ZCWPW1: variants seen among roughly 807,000 people sequenced by gnomAD.
ZCWPW1 encodes the protein zinc finger CW-type PWWP domain protein 1.
In ZCWPW1, 56 loss-of-function variants were observed where a neutral mutation model predicts 81.3. That is an observed-to-expected ratio of 0.69 (90% confidence interval 0.56 to 0.86). The LOEUF (loss-of-function observed/expected upper bound fraction) is 0.86, where lower values mean the gene tolerates loss of function less well. ZCWPW1 is among the 40% of genes least tolerant of loss of function. The pLI is 0.00. For missense variants in ZCWPW1, 650 were observed against 769.8 expected, an observed-to-expected ratio of 0.84 and a Z score of 1.84; for synonymous variants, 250 against 273.7, an observed-to-expected ratio of 0.91 and a Z score of 0.86.
At position 100,425,089 on chromosome 7, in the gene ZCWPW1, CTCT is replaced by C. The variant is rs1554467147; in HGVS notation, c.-92_-90del. The C allele has an allele frequency of 2.0e-5, 3 of 152,172 alleles. No homozygotes were observed. The highest frequency in any genetic ancestry group is 2.9e-5 in the Non-Finnish European group (2 of 68,042). The allele number at this position is 152,172 out of a possible 1,614,324, so 9.4% of individuals were successfully genotyped here. A position where few individuals can be genotyped will look rare whatever the true frequency, so the allele number is the denominator to read the frequency against. ...TTTCTGATAACTCAGGTTGCCCCTC[CTCT>C]GTTTCAGGTGAATTAACTTCTTTCA... is the stretch of plus-strand genomic sequence containing the variant. On this transcript the variant is annotated 5_prime_UTR_variant, in exon 2 of 18. Coordinates refer to ENST00000684423, the MANE Select transcript of ZCWPW1 (RefSeq NM_001386010.1).
intron 2 of ZCWPW1, among the ~76,000 whole-genome samples, chr7:100,424,608 C>T (rs1007686494): frequency 2.0e-5 from 3 of 151,732 alleles, no homozygotes; most frequent in African/African-American, 4.8e-5. Context: ...ATTACAGGAG[C>T]GCACCACCAC....
At chr7:100,401,418 A>C in intron 17 of ZCWPW1, 82 bp from the exon 18 acceptor site, 1 of 1,223,458 alleles carries the variant, frequency 8.2e-7, no homozygotes, top group African/African-American at 1.5e-5. Context: ...CTAAATCTCT[A>C]TTTCCAAGAA....
chr7:100,421,839 T>C (rs1796412265), intron 2 of ZCWPW1, among the ~76,000 whole-genome samples: 1 of 152,136 alleles, frequency 6.6e-6, no homozygotes, highest in South Asian at 2.1e-4. Context: ...ATTACAGGCA[T>C]GCGCCACCAC....
rs534149028 is a variant in ZCWPW1 at position 100,419,884 on chromosome 7, C to A, written c.29-1G>T. On this transcript the variant is annotated splice_acceptor_variant, in intron 3 of 17. Transcript: ENST00000684423. LOFTEE classifies it high-confidence loss of function. ...ATTCTCTTTGGTCCCTTTCCACATT[C>A]TGAAAGAAATGTGATCAAGTGGAAT... 6.4e-7 allele frequency: 1 copy of A among 1,563,586 alleles called. No individual in the cohort carries two copies. Among genetic ancestry groups the A allele is most frequent in the African/African-American group, 1.4e-5 (1 of 72,360 alleles).
intron 11 of ZCWPW1, among the ~76,000 whole-genome samples, 170 bp from the exon 12 acceptor site, chr7:100,406,968 A>AT (rs1304072212): frequency 6.6e-6 from 1 of 152,202 alleles, no homozygotes; most frequent in Admixed American, 6.5e-5. Flanking sequence ...TTGTTCTTCC[A>AT]TTCTAACCTC....
chr7:100,419,470 G>T (rs1271518800), intron 4 of ZCWPW1, among the ~76,000 whole-genome samples, 160 bp downstream of exon 4: 6 of 151,344 alleles, frequency 4.0e-5, no homozygotes, highest in Non-Finnish European at 8.8e-5. Context: ...AAACATTTTT[G>T]ACCTCTTTGA....
chr7:100,423,266 T>C (rs897800251), intron 2 of ZCWPW1, among the ~76,000 whole-genome samples: 1 of 152,236 alleles, frequency 6.6e-6, no homozygotes, highest in Admixed American at 6.5e-5. Context: ...ATCTTGTTTC[T>C]GGCTGTTGGC....
chr7:100,428,123 A>C (rs1406311483), intron 1 of ZCWPW1, among the ~76,000 whole-genome samples: 1 of 151,964 alleles, frequency 6.6e-6, no homozygotes, highest in African/African-American at 2.4e-5. Flanking sequence ...AGCGCCTAGC[A>C]CCTTCACCTA....
Position 100,401,099 on chromosome 7 carries a change from A to G in ZCWPW1, c.1865T>C (p.Val622Ala). The change falls in exon 18 of 18, where the codon GTT (valine) becomes GCT (alanine). Residue 622 changes from valine (V) to alanine (A), a missense_variant. Physicochemically the swap from Val to Ala is moderately conservative, Grantham distance 64. Coordinates refer to ENST00000684423, the MANE Select transcript of ZCWPW1 (RefSeq NM_001386010.1). ...DLDLEQLMED[V>A]GRELGQSGEL... is the part of the protein sequence containing the mutation. Reference sequence around the variant, plus strand: ...CCCGCTCTGCCCCAGCTCTCTCCCAACATCTTCCATGAGTTGCTCCAGGTC... The same window carrying G: ...CCCGCTCTGCCCCAGCTCTCTCCCAGCATCTTCCATGAGTTGCTCCAGGTC... The G allele has an allele frequency of 6.2e-7, 1 of 1,614,102 alleles. No individual in the cohort carries two copies. Among genetic ancestry groups the G allele is most frequent in the Non-Finnish European group, 8.5e-7 (1 of 1,180,016 alleles).
chr7:100,428,030 C>G (rs1398795479), intron 1 of ZCWPW1, among the ~76,000 whole-genome samples: 1 of 151,650 alleles, frequency 6.6e-6, no homozygotes, highest in East Asian at 1.9e-4. Context: ...TTCTTGGGGG[C>G]GACAGATTCT....
intron 1 of ZCWPW1, among the ~76,000 whole-genome samples, chr7:100,426,338 CAA>C (rs992355528): frequency 6.6e-6 from 1 of 151,938 alleles, no homozygotes; most frequent in African/African-American, 2.4e-5. Flanking sequence ...TACTAAAATA[CAA>C]AAATTAGCCA....
chr7:100,418,290 T>C (rs1795725660), intron 5 of ZCWPW1, among the ~76,000 whole-genome samples: 1 of 152,182 alleles, frequency 6.6e-6, no homozygotes, highest in African/African-American at 2.4e-5. Context: ...TTTTCAAATC[T>C]AGGGAAAACA....
At chr7:100,408,769 G>T (rs909458501) in intron 9 of ZCWPW1, 110 bp from the exon 10 acceptor site, 7 of 1,302,920 alleles carry the variant, frequency 5.4e-6, no homozygotes, top group Non-Finnish European at 7.2e-6. Flanking sequence ...CAGCAGGTGG[G>T]ACCAAAGGGG....
In ZCWPW1 at chr7:100,401,212, T is replaced by G. The variant is rs757641904; in HGVS notation, c.1752A>C (p.Ser584=). Residue 584 remains serine (S), a synonymous_variant, in exon 18 of 18, where the codon TCA becomes TCC. Coordinates refer to ENST00000684423, the MANE Select transcript of ZCWPW1 (RefSeq NM_001386010.1). ...GGTGTCTGGGCTCTTCTTTCGCAGA[T>G]GAGGGGCAGGCCCCCTTACACGCTG... ...GLSACKGACP[S]SAKEEPRHRE... is the part of the protein sequence containing the mutation. 2.5e-6 allele frequency: 4 copies of G among 1,614,126 alleles called. No individual in the cohort carries two copies. In the African/African-American group the frequency reaches 4.0e-5, roughly 16 times the overall value.
chr7:100,415,914 G>A, intron 8 of ZCWPW1, 61 bp downstream of exon 8: 1 of 1,606,566 alleles, frequency 6.2e-7, no homozygotes, highest in Non-Finnish European at 8.5e-7. Flanking sequence ...TCCTAACCCT[G>A]CCTCTCTGCT....
At position 100,401,268 on chromosome 7, in the gene ZCWPW1, C is replaced by T; in HGVS notation, c.1696G>A (p.Val566Ile). ...CCCAGGTTCTTTGGCACTGTTCTAA[C>T]TTCTTTTCCCTCTGAAAAGCTGGCT... is the stretch of plus-strand genomic sequence containing the variant. The part of the protein sequence containing the change: ...LAASFSEGKE[V>I]RTVPKNLGLS... Residue 566 changes from valine to isoleucine, a missense_variant, in exon 18 of 18, where the codon GTT becomes ATT. Coordinates refer to ENST00000684423, the MANE Select transcript of ZCWPW1 (RefSeq NM_001386010.1). 6.2e-7 allele frequency: 1 copy of T among 1,606,014 alleles called. No individual in the cohort carries two copies. Among genetic ancestry groups the T allele is most frequent in the Non-Finnish European group, 8.5e-7 (1 of 1,175,298 alleles).
At chr7:100,419,557 CTG>C in intron 4 of ZCWPW1, 71 bp downstream of exon 4, 1 of 1,523,776 alleles carries the variant, frequency 6.6e-7, no homozygotes, top group East Asian at 2.3e-5. Context: ...TGAAAAGACT[CTG>C]TTTGTCTAGC....
chr7:100,428,394 G>A (rs958713143), intron 1 of ZCWPW1, among the ~76,000 whole-genome samples, 174 bp downstream of exon 1: 1 of 152,246 alleles, frequency 6.6e-6, no homozygotes, highest in Non-Finnish European at 1.5e-5. Flanking sequence ...GAACGTCCCG[G>A]GAAAACTACA....
At chr7:100,401,800 G>A (rs192674581) in intron 17 of ZCWPW1, 89 bp downstream of exon 17, 60 of 1,480,110 alleles carry the variant, frequency 4.1e-5, no homozygotes, top group Non-Finnish European at 1.8e-6. Context: ...GTAATGAAAA[G>A]CTGTAAAATG....
Sources: gnomAD v4.1 joint callset for allele counts (sites outside exome capture counted in the v4.1 genomes callset) on GRCh38, gnomAD v4.1.1 for gene constraint, MANE v1.5 for transcripts, NCBI Gene and HGNC (gene_info 2026-07-23, HGNC 2026-07-21) for gene names.